The following SAMD7 variants were observed in gnomAD, a reference collection of about 807,000 sequenced individuals.
The protein encoded by SAMD7 is sterile alpha motif domain containing 7.
A neutral mutation model predicts 36.7 loss-of-function variants in SAMD7; 34 were observed. That is an observed-to-expected ratio of 0.93 (90% CI 0.71 to 1.23). The LOEUF (loss-of-function observed/expected upper bound fraction) is 1.23. Ranked by LOEUF, SAMD7 falls within the 50% of genes most tolerant of loss-of-function variation. The pLI is 0.00. For synonymous variants in SAMD7, 188 were observed against 189.7 expected, an observed-to-expected ratio of 0.99 and a Z score of 0.07; for missense variants, 570 against 546.6, an observed-to-expected ratio of 1.04 and a Z score of -0.43.
chr3:169,921,471 G>T, intron 4 of SAMD7, 133 bp downstream of exon 4: 1 of 823,324 alleles, frequency 1.2e-6, no homozygotes, highest in Non-Finnish European at 2.0e-6. Flanking sequence ...AGTCTCTGTA[G>T]TCACCACCTA....
intron 2 of SAMD7, among the ~76,000 whole-genome samples, chr3:169,917,710 C>T (rs1474312480): frequency 6.6e-6 from 1 of 151,858 alleles, no homozygotes; most frequent in African/African-American, 2.4e-5. Flanking sequence ...TGCACAATCT[C>T]GGCTCACTGC....
At chr3:169,933,868 T>C (rs17236788) in intron 7 of SAMD7, among the ~76,000 whole-genome samples, 15,570 of 152,072 alleles carry the variant, frequency 0.1, 1,090 homozygotes, top group South Asian at 0.14. Flanking sequence ...CAGAGCATGG[T>C]GGGAACACAT....
intron 4 of SAMD7, among the ~76,000 whole-genome samples, chr3:169,923,081 C>A (rs185575291): frequency 1.4e-3 from 215 of 152,218 alleles, no homozygotes; most frequent in African/African-American, 5.0e-3. Context: ...ATCTTCTATC[C>A]CCCCCAAAAC....
Position 169,927,030 on chromosome 3 carries a change from G to A in SAMD7, c.768G>A (p.Glu256=), listed in dbSNP as rs1027968069. ...TALANTCGEL[E]PTHRKPWGSH... is the part of the protein sequence containing the mutation. Reference sequence around the variant, plus strand: ...TTGCCAACACCTGTGGAGAGCTCGAGCCCACCCATAGGAAACCCTGGGGGT... The same window carrying A: ...TTGCCAACACCTGTGGAGAGCTCGAACCCACCCATAGGAAACCCTGGGGGT... Residue 256 remains glutamate, a synonymous_variant, in exon 6 of 9, where the codon GAG becomes GAA. Coordinates refer to ENST00000335556, the MANE Select transcript of SAMD7 (RefSeq NM_001304366.2). The A allele has an allele frequency of 3.7e-6, 6 of 1,612,848 alleles. No individual in the cohort carries two copies. The highest frequency in any genetic ancestry group is 1.7e-5 in the Admixed American group (1 of 59,750).
chr3:169,936,868 TGACTA>T, intron 8 of SAMD7, among the ~76,000 whole-genome samples: 1 of 151,500 alleles, frequency 6.6e-6, no homozygotes, highest in African/African-American at 2.4e-5. Context: ...CACTTGGGGG[TGACTA>T]TCCTGAAATG....
chr3:169,938,088 C>T (rs1304610961), intron 8 of SAMD7, among the ~76,000 whole-genome samples: 1 of 152,162 alleles, frequency 6.6e-6, no homozygotes, highest in African/African-American at 2.4e-5. Context: ...CACTATTGCT[C>T]AGCTGCCCCT....
chr3:169,934,721 G>T (rs1221582241), intron 7 of SAMD7, among the ~76,000 whole-genome samples: 2 of 152,208 alleles, frequency 1.3e-5, no homozygotes, highest in Admixed American at 1.3e-4. Context: ...TAGCTTCTGA[G>T]TTAAAGATAC....
Position 169,936,421 on chromosome 3 carries a change from T to C in SAMD7, c.1124T>C (p.Leu375Pro). ...CTTCGAGGCACTATGGGATTAAAGC[T>C]AGGGCCGGCACTAAAAATTCAGTCA... ...EHLRGTMGLK[L>P]GPALKIQSQV... is the part of the protein sequence containing the mutation. The change falls in exon 8 of 9, where the codon CTA becomes CCA. Residue 375 changes from leucine to proline, a missense_variant. By Grantham distance (98) the Leu-to-Pro change is moderately conservative. Coordinates refer to ENST00000335556, the MANE Select transcript of SAMD7 (RefSeq NM_001304366.2). 6.2e-7 allele frequency: 1 copy of C among 1,612,758 alleles called. No individual in the cohort carries two copies. The highest frequency in any genetic ancestry group is 1.3e-5 in the African/African-American group (1 of 75,040).
intron 7 of SAMD7, among the ~76,000 whole-genome samples, chr3:169,933,583 G>C (rs1713603114): frequency 6.6e-6 from 1 of 152,174 alleles, no homozygotes; most frequent in South Asian, 2.1e-4. Flanking sequence ...GTTTTGAGTG[G>C]AACATTTCAG....
At position 169,926,965 on chromosome 3, in the gene SAMD7, C is replaced by T. The variant is rs758054843; in HGVS notation, c.703C>T (p.Gln235Ter). The stretch of plus-strand genomic sequence containing the variant: ...CCCAGACATTGAAGCACCCAGCAAC[C>T]AGAAGTCAAGTGAAACGAATGAAAA... ...KDPDIEAPSN[Q>*]KSSETNEKPT... Residue 235 changes from glutamine to a stop codon, truncating the protein, a stop_gained, in exon 6 of 9, where the codon CAG (glutamine) becomes TAG (stop). Coordinates refer to ENST00000335556, the MANE Select transcript of SAMD7 (RefSeq NM_001304366.2). LOFTEE classifies it high-confidence loss of function. 4.3e-6 allele frequency: 7 copies of T among 1,613,874 alleles called. No homozygotes were observed. Among genetic ancestry groups the T allele is most frequent in the African/African-American group, 1.3e-5 (1 of 74,872 alleles).
rs952939966 is a variant in SAMD7, at chr3:169,928,329, T to A, written c.920-128T>A. 6 of 650,736 alleles carry A rather than the reference T, an allele frequency of 9.2e-6. No individual in the cohort carries two copies. In the African/African-American group the frequency reaches 1.1e-4, roughly 12 times the overall value. 40.3% of individuals were successfully genotyped at this position (650,736 alleles called of 1,614,324 possible). On this transcript the variant is annotated intron_variant, in intron 6 of 8. Coordinates refer to ENST00000335556, the MANE Select transcript of SAMD7 (RefSeq NM_001304366.2). ...GAAGCTTTTAGAAAACATCTCCTAG[T>A]AATTCCTAATATCTTGTAAGGCGTT...
At position 169,911,781 on chromosome 3, in the gene SAMD7, T is replaced by C. The variant is rs562441122; in HGVS notation, c.-157T>C. On this transcript the variant is annotated 5_prime_UTR_variant, in exon 1 of 9. Transcript: ENST00000335556. ...GGCCAGAAAGTCTTTGTATGGTTCTTCCATCTGCAATATCAAAGACAAGAA... is the reference window on the plus strand; with the variant it reads ...GGCCAGAAAGTCTTTGTATGGTTCTCCCATCTGCAATATCAAAGACAAGAA... The C allele has an allele frequency of 5.9e-5, 9 of 152,346 alleles. No individual in the cohort carries two copies. In the East Asian group the frequency reaches 1.7e-3, roughly 29 times the overall value. 9.4% of individuals were successfully genotyped at this position (152,346 alleles called of 1,614,324 possible).
intron 3 of SAMD7, among the ~76,000 whole-genome samples, chr3:169,920,686 G>A (rs11715229): frequency 6.6e-6 from 1 of 151,770 alleles, no homozygotes. Flanking sequence ...TTTGTTTTTT[G>A]TTGTTGTTGT....
At chr3:169,913,067 A>T (rs547590953) in intron 1 of SAMD7, among the ~76,000 whole-genome samples, 3 of 152,324 alleles carry the variant, frequency 2.0e-5, no homozygotes, top group East Asian at 3.9e-4. Flanking sequence ...AATTGTAAAA[A>T]TTGCTCTCAT....
intron 6 of SAMD7, 104 bp downstream of exon 6, chr3:169,927,285 CTTTTTTTTTTT>C (rs71634451): frequency 2.0e-4 from 28 of 141,804 alleles, no homozygotes; most frequent in South Asian, 9.5e-4. Context: ...TTTTATCTTT[CTTTTTTTTTTT>C]TTTTTTTTTT....
intron 2 of SAMD7, among the ~76,000 whole-genome samples, chr3:169,918,941 G>A (rs1217095120): frequency 6.6e-6 from 1 of 152,152 alleles, no homozygotes; most frequent in African/African-American, 2.4e-5. Context: ...GCAGTCAGGA[G>A]TTCAAGGCCA....
chr3:169,933,248 A>T, intron 7 of SAMD7: 1 of 526,814 alleles, frequency 1.9e-6, no homozygotes, highest in Non-Finnish European at 3.6e-6. Context: ...CTCAATAAAA[A>T]ATAAGTGAAA....
At chr3:169,917,147 G>A (rs1712841927) in intron 2 of SAMD7, among the ~76,000 whole-genome samples, 2 of 152,184 alleles carry the variant, frequency 1.3e-5, no homozygotes, top group South Asian at 4.1e-4. Flanking sequence ...GGTGATCCAT[G>A]GACTTGGATT....
chr3:169,933,124 A>T (rs1713581719), intron 7 of SAMD7: 1 of 820,986 alleles, frequency 1.2e-6, no homozygotes. Flanking sequence ...CCTCGTCTGG[A>T]CGCCATGGAC....
Sources: allele counts gnomAD v4.1 joint callset (sites outside exome capture counted in the v4.1 genomes callset), GRCh38; gene constraint gnomAD v4.1.1; transcripts MANE v1.5; gene names NCBI Gene and HGNC (gene_info 2026-07-23, HGNC 2026-07-21).